The following CUL4A variants were observed in gnomAD, a reference collection of about 807,000 sequenced individuals.
CUL4A encodes the protein cullin 4A.
CUL4A carries 16 observed loss-of-function variants against 95.5 expected under a neutral mutation model. The ratio of observed to expected loss-of-function variants is 0.17; its 90% CI spans 0.11 to 0.25. The LOEUF is 0.25. Among genes scored for constraint, CUL4A ranks in the 10% least tolerant of loss-of-function variants. The pLI is 1.00. For synonymous variants in CUL4A, 380 were observed against 353.1 expected (o/e 1.08, Z -0.85); for missense variants, 610 against 937.0 (o/e 0.65, Z 4.56).
intron 15 of CUL4A, among the ~76,000 whole-genome samples, chr13:113,247,959 T>G (rs925299340): frequency 6.6e-5 from 10 of 152,290 alleles, no homozygotes; most frequent in South Asian, 2.1e-4. Flanking sequence ...ATGCTCCCTG[T>G]GAGTAGGTTC....
Position 113,228,059 on chromosome 13 carries a change from C to G in CUL4A, c.438+14C>G. ...TGCAGACAAATGGTAAGCTTGTTCA[C>G]TTTTTCATCAAAACACGACCTCATC... is the stretch of plus-strand genomic sequence containing the variant. On this transcript the variant is annotated intron_variant, in intron 4 of 19. Coordinates refer to ENST00000375440, the MANE Select transcript of CUL4A (RefSeq NM_001008895.4). The G allele has an allele frequency of 6.2e-7, 1 of 1,603,946 alleles. No individual in the cohort carries two copies. Among genetic ancestry groups the G allele is most frequent in the Non-Finnish European group, 8.5e-7 (1 of 1,170,972 alleles).
Position 113,229,501 on chromosome 13 carries a change from C to T in CUL4A, c.494C>T (p.Ser165Phe). 6.2e-7 allele frequency: 1 copy of T among 1,613,470 alleles called. No homozygotes were observed. The highest frequency in any genetic ancestry group is 8.5e-7 in the Non-Finnish European group (1 of 1,179,954). Residue 165 changes from serine (S) to phenylalanine (F), a missense_variant, in exon 5 of 20, where the codon TCC becomes TTC. Physicochemically the swap from Ser to Phe is radical, Grantham distance 155 (BLOSUM62 -2). This residue lies in a region of CUL4A where 97 missense variants were observed against 100.3 expected (regional missense o/e 0.97). Coordinates refer to ENST00000375440, the MANE Select transcript of CUL4A (RefSeq NM_001008895.4). ...GACCGCACCTATGTGCTGCAGAACT[C>T]CACGCTGCCCTCCATCTGGTGAGTG... ...FLDRTYVLQN[S>F]TLPSIWDMGL...
intron 15 of CUL4A, among the ~76,000 whole-genome samples, chr13:113,249,025 T>G (rs1013845659): frequency 6.6e-6 from 1 of 152,120 alleles, no homozygotes; most frequent in African/African-American, 2.4e-5. Context: ...GATTCCAGAA[T>G]TTTTCCATCA....
At chr13:113,224,499 T>C (rs1012069949) in intron 3 of CUL4A, among the ~76,000 whole-genome samples, 6 of 152,228 alleles carry the variant, frequency 3.9e-5, no homozygotes, top group Non-Finnish European at 8.8e-5. Context: ...GTGGACACCA[T>C]GATAGCCGTG....
intron 5 of CUL4A, among the ~76,000 whole-genome samples, chr13:113,231,695 C>A (rs997764721): frequency 6.6e-6 from 1 of 152,176 alleles, no homozygotes; most frequent in Admixed American, 6.5e-5. Flanking sequence ...CACCCAGGGT[C>A]ACACAGCTAG....
chr13:113,241,224 A>G (rs1681794755), intron 10 of CUL4A, among the ~76,000 whole-genome samples: 1 of 152,222 alleles, frequency 6.6e-6, no homozygotes, highest in Non-Finnish European at 1.5e-5. Context: ...ATGTGTGCTA[A>G]AAACTAGGAA....
At position 113,236,907 on chromosome 13, in the gene CUL4A, T is replaced by C; in HGVS notation, c.916+17T>C. ...TGCAGAAAGGTAGATTTCCTAACTC[T>C]TGTGCAAATTAAACTGAACAATTAT... is the stretch of plus-strand genomic sequence containing the variant. On this transcript the variant is annotated intron_variant, in intron 9 of 19. Coordinates refer to ENST00000375440, the MANE Select transcript of CUL4A (RefSeq NM_001008895.4). 6.4e-7 allele frequency: 1 copy of C among 1,571,746 alleles called. No homozygotes were observed. Among genetic ancestry groups the C allele is most frequent in the Non-Finnish European group, 8.7e-7 (1 of 1,144,870 alleles).
upstream of CUL4A, chr13:113,208,967 C>G: frequency 8.7e-7 from 1 of 1,143,100 alleles, no homozygotes; most frequent in African/African-American, 1.6e-5. Flanking sequence ...TTCGTCTGCC[C>G]CTTGTGAAAA....
upstream of CUL4A, chr13:113,209,058 C>T (rs2040206286): frequency 2.1e-5 from 5 of 242,766 alleles, no homozygotes; most frequent in South Asian, 7.8e-4. Flanking sequence ...GGGGGAGGGA[C>T]ATGGCGCGCG....
At chr13:113,229,940 A>G in intron 5 of CUL4A, 2 of 405,056 alleles carry the variant, frequency 4.9e-6, no homozygotes, top group Non-Finnish European at 4.3e-6. Context: ...TCCTGAGCAC[A>G]TAGCACTCAT....
chr13:113,227,436 A>G (rs973829452), intron 3 of CUL4A, among the ~76,000 whole-genome samples: 18 of 152,160 alleles, frequency 1.2e-4, no homozygotes, highest in Non-Finnish European at 1.5e-5. Flanking sequence ...GTCCACTCTC[A>G]TGACCTAATC....
chr13:113,263,574 G>T lies in CUL4A; in HGVS notation c.2272G>T (p.Val758Leu). The T allele has an allele frequency of 6.3e-7, 1 of 1,584,102 alleles. No homozygotes were observed. The highest frequency in any genetic ancestry group is 1.8e-5 in the Admixed American group (1 of 56,368). ...DKDNPNQYHY[V>L]A Reference sequence around the variant, plus strand: ...AGACAATCCGAATCAGTACCACTACGTGGCCTGACGCATCTGCAGACGGTT... The same window carrying T: ...AGACAATCCGAATCAGTACCACTACTTGGCCTGACGCATCTGCAGACGGTT... The change falls in exon 20 of 20, where the codon GTG becomes TTG. Residue 758 changes from valine (V) to leucine (L), a missense_variant. This residue lies in a region of CUL4A where 31 missense variants were observed against 40.3 expected (regional missense o/e 0.77). Coordinates refer to ENST00000375440, the MANE Select transcript of CUL4A (RefSeq NM_001008895.4).
chr13:113,248,025 G>A (rs114261689), intron 15 of CUL4A, among the ~76,000 whole-genome samples: 2,521 of 152,272 alleles, frequency 0.017, 74 homozygotes, highest in African/African-American at 0.058. Context: ...CTGGCGGGAG[G>A]TGCGCACTAT....
chr13:113,248,891 C>T (rs935773537), intron 15 of CUL4A, among the ~76,000 whole-genome samples: 3 of 152,206 alleles, frequency 2.0e-5, no homozygotes, highest in Non-Finnish European at 4.4e-5. Context: ...TCAGTACAGA[C>T]AACCATCCTT....
In CUL4A at chr13:113,232,046, T is replaced by TACCCGCCCACCACCATTACTGTCACCACC. The variant is rs1566342812; in HGVS notation, c.513-1103_513-1102insCACCCGCCCACCACCATTACTGTCACCAC. ...CCACCACCATTACTGCTGCCACCAC[T>TACCCGCCCACCACCATTACTGTCACCACC]ACCCGCCCACCACCATTACTGTCAC... On this transcript the variant is annotated intron_variant, in intron 5 of 19. Coordinates refer to ENST00000375440, the MANE Select transcript of CUL4A (RefSeq NM_001008895.4). Among the ~76,000 whole-genome samples, 240 of 122,580 alleles carry TACCCGCCCACCACCATTACTGTCACCACC rather than the reference T, an allele frequency of 2.0e-3. 32 individuals carry two copies. Among genetic ancestry groups the TACCCGCCCACCACCATTACTGTCACCACC allele is most frequent in the East Asian group, 8.6e-3 (35 of 4,076 alleles). The allele number at this position is 122,580 out of a possible 152,430, so 80.4% of individuals were successfully genotyped here.
At chr13:113,210,473 A>G (rs970330271) in intron 2 of CUL4A, among the ~76,000 whole-genome samples, 1 of 152,174 alleles carries the variant, frequency 6.6e-6, no homozygotes, top group Non-Finnish European at 1.5e-5. Flanking sequence ...TTTGTGATTA[A>G]TGGTTGCCTT....
Position 113,225,540 on chromosome 13 carries a change from C to T in CUL4A, c.369-2436C>T, listed in dbSNP as rs566406032. Among the ~76,000 whole-genome samples, 12 of 152,380 alleles carry T rather than the reference C, an allele frequency of 7.9e-5. No individual in the cohort carries two copies. The East Asian group carries it at 2.3e-3, about 29-fold the overall frequency. The stretch of plus-strand genomic sequence containing the variant: ...ACAAGACACTGCCCCAGGTGGAACT[C>T]TGTCTTCACAACACCTGAGCTGCCC... On this transcript the variant is annotated intron_variant, in intron 3 of 19. Transcript: ENST00000375440.
chr13:113,256,454 G>A (rs992519174), intron 18 of CUL4A, among the ~76,000 whole-genome samples: 2 of 152,154 alleles, frequency 1.3e-5, no homozygotes, highest in African/African-American at 2.4e-5. Context: ...GTAAAATAAT[G>A]TGTACTTGTC....
intron 11 of CUL4A, among the ~76,000 whole-genome samples, chr13:113,243,751 A>C (rs916069717): frequency 1.3e-5 from 2 of 152,182 alleles, no homozygotes; most frequent in Non-Finnish European, 2.9e-5. Flanking sequence ...AAAATGTTTA[A>C]AAGAAAAAAA....
Sources: allele counts gnomAD v4.1 joint callset (sites outside exome capture counted in the v4.1 genomes callset), GRCh38; gene constraint gnomAD v4.1.1; regional missense constraint gnomAD v4.1.1; transcripts MANE v1.5; gene names NCBI Gene and HGNC (gene_info 2026-07-23, HGNC 2026-07-21).